The following OPCML variants were observed in gnomAD, a reference collection of about 807,000 sequenced individuals.
OPCML encodes the protein opioid binding protein/cell adhesion molecule like.
Under a neutral mutation model 37.8 loss-of-function variants are expected in OPCML, and 13 were observed. The ratio of observed to expected loss-of-function variants is 0.34; its 90% confidence interval spans 0.22 to 0.55. The LOEUF (loss-of-function observed/expected upper bound fraction) is 0.55. Ranked by LOEUF, OPCML falls within the 20% of genes least tolerant of loss-of-function variation. OPCML has a pLI of 0.91. For synonymous variants in OPCML, 176 were observed against 168.8 expected (o/e 1.04, Z -0.33); for missense variants, 341 against 435.6 (o/e 0.78, Z 1.93).
intron 1 of OPCML, among the ~76,000 whole-genome samples, chr11:133,478,145 C>T (rs1266157423): frequency 6.6e-6 from 1 of 152,124 alleles, no homozygotes; most frequent in African/African-American, 2.4e-5. Flanking sequence ...GTCAGGGTGG[C>T]AGTACAGAAT....
At chr11:132,489,852 C>G (rs963814342) in intron 4 of OPCML, among the ~76,000 whole-genome samples, 2 of 152,240 alleles carry the variant, frequency 1.3e-5, no homozygotes, top group South Asian at 2.1e-4. Context: ...CCCTACACCC[C>G]CTGACAGGCC....
rs570361736 is a variant in OPCML at position 132,759,924 on chromosome 11, T to C, written c.147-102605A>G. On this transcript the variant is annotated intron_variant, in intron 2 of 7. Transcript: ENST00000524381. ...ATTTTAGATCTTTCCCGCTTTCTCA[T>C]GTGGGAATTTAATGCTATAAATTTC... Among the ~76,000 whole-genome samples the C allele has an allele frequency of 1.8e-3, 281 of 152,350 alleles. 1 individual carries two copies. Among genetic ancestry groups the C allele is most frequent in the Non-Finnish European group, 3.2e-3 (216 of 68,038 alleles).
At chr11:132,463,504 G>C (rs2096109725) in intron 4 of OPCML, among the ~76,000 whole-genome samples, 1 of 152,208 alleles carries the variant, frequency 6.6e-6, no homozygotes, top group Middle Eastern at 3.2e-3. Context: ...AGCATCTGTA[G>C]TTTACCAAGA....
intron 3 of OPCML, among the ~76,000 whole-genome samples, chr11:132,562,180 C>T (rs1323394378): frequency 6.6e-6 from 1 of 152,084 alleles, no homozygotes; most frequent in Admixed American, 6.6e-5. Context: ...CAACACAGGT[C>T]CCGCCAAATT....
intron 2 of OPCML, among the ~76,000 whole-genome samples, chr11:132,928,387 G>A (rs1263756431): frequency 6.6e-6 from 1 of 151,872 alleles, no homozygotes; most frequent in Non-Finnish European, 1.5e-5. Context: ...AACACATGAT[G>A]TTATATAATA....
At chr11:132,625,629 C>G (rs1478062623) in intron 3 of OPCML, among the ~76,000 whole-genome samples, 3 of 152,158 alleles carry the variant, frequency 2.0e-5, no homozygotes, top group African/African-American at 7.2e-5. Flanking sequence ...GCTAACACGT[C>G]ACACACATAC....
chr11:132,523,495 T>C (rs1428046399), intron 4 of OPCML, among the ~76,000 whole-genome samples: 1 of 146,330 alleles, frequency 6.8e-6, no homozygotes, highest in Non-Finnish European at 1.5e-5. Context: ...TTTTATGGAT[T>C]CTTGCTCAAG....
At chr11:132,755,025 A>G (rs1271262164) in intron 2 of OPCML, among the ~76,000 whole-genome samples, 1 of 152,336 alleles carries the variant, frequency 6.6e-6, no homozygotes, top group South Asian at 2.1e-4. Flanking sequence ...AGACAAATGT[A>G]TGTTTAGAAA....
chr11:133,142,631 C>T (rs970763874), intron 1 of OPCML, among the ~76,000 whole-genome samples: 1 of 152,172 alleles, frequency 6.6e-6, no homozygotes, highest in Non-Finnish European at 1.5e-5. Context: ...ACATAGCACA[C>T]AGTAGGTTCT....
intron 1 of OPCML, among the ~76,000 whole-genome samples, chr11:133,530,293 C>T (rs901659300): frequency 3.3e-5 from 5 of 152,244 alleles, no homozygotes; most frequent in South Asian, 4.1e-4. Context: ...CTGGCTCCTT[C>T]AGGGCGCGCT....
chr11:132,568,053 CGTGT>C (rs1008607501), intron 3 of OPCML, among the ~76,000 whole-genome samples: 6 of 140,034 alleles, frequency 4.3e-5, no homozygotes, highest in African/African-American at 1.5e-4. Context: ...CGCGCGCGCG[CGTGT>C]GTGTGTGTGT....
chr11:133,148,390 G>A (rs1029926813), intron 1 of OPCML, among the ~76,000 whole-genome samples: 2 of 152,144 alleles, frequency 1.3e-5, no homozygotes, highest in Admixed American at 6.5e-5. Flanking sequence ...CTCCCCTGTC[G>A]CCTCCAGATA....
chr11:132,763,512 A>C (rs909565946), intron 2 of OPCML, among the ~76,000 whole-genome samples: 2 of 152,168 alleles, frequency 1.3e-5, no homozygotes, highest in Admixed American at 1.3e-4. Context: ...GCTTCTTATG[A>C]TCAAAATGTT....
rs548301388 is a variant in OPCML, at chr11:132,416,536, A to G, written c.*3657T>C. On this transcript the variant is annotated 3_prime_UTR_variant, in exon 8 of 8. Transcript: ENST00000524381. ...GGCAAATTGACTGAATTGATGCAGAAAAAGATTCTGAAACCCAGCCTCAGT... is the reference window on the plus strand; with the variant it reads ...GGCAAATTGACTGAATTGATGCAGAGAAAGATTCTGAAACCCAGCCTCAGT... The G allele has an allele frequency of 7.9e-5, 12 of 152,360 alleles. 1 individual carries two copies. In the South Asian group the frequency reaches 1.9e-3, roughly 24 times the overall value. The allele number at this position is 152,360 out of a possible 1,614,324, so 9.4% of individuals were successfully genotyped here. A position where few individuals can be genotyped will look rare whatever the true frequency, so the allele number is the denominator to read the frequency against.
At chr11:133,034,048 TA>T (rs1477438520) in intron 1 of OPCML, among the ~76,000 whole-genome samples, 5 of 152,194 alleles carry the variant, frequency 3.3e-5, no homozygotes, top group African/African-American at 1.2e-4. Flanking sequence ...GAAACAAGTA[TA>T]GCAATTAATT....
intron 1 of OPCML, among the ~76,000 whole-genome samples, chr11:133,001,852 C>T (rs1947012412): frequency 6.6e-6 from 1 of 152,230 alleles, no homozygotes; most frequent in African/African-American, 2.4e-5. Flanking sequence ...ATGTGCTTGA[C>T]AAAATCCTCA....
intron 1 of OPCML, among the ~76,000 whole-genome samples, chr11:133,343,504 C>T (rs1943923997): frequency 6.6e-6 from 1 of 152,166 alleles, no homozygotes; most frequent in Non-Finnish European, 1.5e-5. Flanking sequence ...AGAGATAGAA[C>T]CACACAATTT....
intron 1 of OPCML, among the ~76,000 whole-genome samples, chr11:132,948,972 C>T (rs1014457245): frequency 2.6e-5 from 4 of 152,184 alleles, no homozygotes; most frequent in African/African-American, 9.7e-5. Context: ...AGAGAGACCA[C>T]TGGCTAGCCA....
At chr11:132,702,095 T>C (rs1477969242) in intron 2 of OPCML, among the ~76,000 whole-genome samples, 2 of 152,202 alleles carry the variant, frequency 1.3e-5, no homozygotes, top group African/African-American at 2.4e-5. Flanking sequence ...AAAAGTTATT[T>C]ACACACCACT....
Sources: gnomAD v4.1 joint callset for allele counts (sites outside exome capture counted in the v4.1 genomes callset) on GRCh38, gnomAD v4.1.1 for gene constraint, MANE v1.5 for transcripts, NCBI Gene and HGNC (gene_info 2026-07-23, HGNC 2026-07-21) for gene names.